RABGAP1L: variants seen among roughly 807,000 people sequenced by gnomAD.
RABGAP1L encodes the protein RAB GTPase activating protein 1 like, also known as rab GTPase-activating protein 1-like.
A neutral mutation model predicts 137.7 loss-of-function variants in RABGAP1L; 63 were observed. The observed-to-expected ratio is 0.46, with a 90% CI of 0.37 to 0.56. The LOEUF (loss-of-function observed/expected upper bound fraction) is 0.56. Among genes scored for constraint, RABGAP1L ranks in the 20% least tolerant of loss-of-function variants. The pLI is 0.00. For missense variants in RABGAP1L, 1,095 were observed against 1,244.0 expected (o/e 0.88, Z 1.80); for synonymous variants, 431 against 433.7 (o/e 0.99, Z 0.08).
chr1:174,878,462 G>T (rs562272710), intron 19 of RABGAP1L, among the ~76,000 whole-genome samples: 1 of 152,166 alleles, frequency 6.6e-6, no homozygotes, highest in South Asian at 2.1e-4. Flanking sequence ...CTGACCTCAG[G>T]TGATCCGCCT....
At chr1:174,667,206 C>T (rs1353744966) in intron 14 of RABGAP1L, among the ~76,000 whole-genome samples, 1 of 152,052 alleles carries the variant, frequency 6.6e-6, no homozygotes, top group Non-Finnish European at 1.5e-5. Context: ...TTAAGCCTCC[C>T]TTGATCAGAT....
In RABGAP1L at chr1:174,869,319, T is replaced by TG. The variant is rs200452494; in HGVS notation, c.2340+57362dup. ...GAGTGGATCATGGGGGAGTGGATCA[T>TG]GGGAGGTGAGTGGAACAGCATCCAC... On this transcript the variant is annotated intron_variant, in intron 19 of 25. Coordinates refer to ENST00000681986, the MANE Select transcript of RABGAP1L (RefSeq NM_001366446.1). Among the ~76,000 whole-genome samples, 1,340 of 152,134 alleles carry TG rather than the reference T, an allele frequency of 8.8e-3. 20 individuals are homozygous for TG. The highest frequency in any genetic ancestry group is 0.031 in the African/African-American group (1,280 of 41,486).
At chr1:174,535,375 A>G (rs1391414017) in intron 13 of RABGAP1L, among the ~76,000 whole-genome samples, 1 of 152,182 alleles carries the variant, frequency 6.6e-6, no homozygotes, top group Non-Finnish European at 1.5e-5. Context: ...CTCAATCAGC[A>G]CTGATTGCTG....
intron 11 of RABGAP1L, among the ~76,000 whole-genome samples, chr1:174,357,584 G>A (rs982102883): frequency 6.6e-6 from 1 of 152,072 alleles, no homozygotes; most frequent in African/African-American, 2.4e-5. Context: ...AACCAAACAT[G>A]TTTTCATTAA....
chr1:174,586,831 G>A (rs1669152544), intron 13 of RABGAP1L, among the ~76,000 whole-genome samples: 1 of 152,096 alleles, frequency 6.6e-6, no homozygotes, highest in African/African-American at 2.4e-5. Context: ...CTTGGCCTCA[G>A]GTGATCCATC....
At chr1:174,702,014 G>A (rs1205579885) in intron 16 of RABGAP1L, 99 bp from the exon 17 acceptor site, 8 of 1,091,320 alleles carry the variant, frequency 7.3e-6, no homozygotes, top group Middle Eastern at 2.1e-4. Context: ...GAGTTACAGC[G>A]ATCATAGAAA....
intron 13 of RABGAP1L, among the ~76,000 whole-genome samples, chr1:174,399,234 T>C (rs1227423829): frequency 6.6e-6 from 1 of 152,132 alleles, no homozygotes; most frequent in Non-Finnish European, 1.5e-5. Flanking sequence ...TCACTGTCCT[T>C]GGGGTAGCAA....
intron 13 of RABGAP1L, among the ~76,000 whole-genome samples, chr1:174,446,992 A>T (rs543009388): frequency 3.1e-4 from 47 of 152,342 alleles, no homozygotes; most frequent in African/African-American, 1.1e-3. Flanking sequence ...TATATGTGAG[A>T]TATGGGTATA....
rs1317116433 is a variant in RABGAP1L at position 174,582,734 on chromosome 1, C to G, written c.1711-54641C>G. Among the ~76,000 whole-genome samples, 3 of 152,056 alleles carry G rather than the reference C, an allele frequency of 2.0e-5. No individual in the cohort carries two copies. The East Asian group carries it at 5.8e-4, about 29-fold the overall frequency. ...GTTGAGGGTATAATCTAGAAGGGTT[C>G]AAAGGAGGATTTCTTTAAAGATAGG... is the stretch of plus-strand genomic sequence containing the variant. On this transcript the variant is annotated intron_variant, in intron 13 of 25. Transcript: ENST00000681986.
At chr1:174,560,198 C>CT (rs1334248444) in intron 13 of RABGAP1L, among the ~76,000 whole-genome samples, 1 of 152,114 alleles carries the variant, frequency 6.6e-6, no homozygotes, top group Non-Finnish European at 1.5e-5. Flanking sequence ...TTGCAGTTCC[C>CT]TTTTGGGTTT....
intron 18 of RABGAP1L, among the ~76,000 whole-genome samples, chr1:174,793,646 T>C (rs1688024897): frequency 6.6e-6 from 1 of 152,218 alleles, no homozygotes; most frequent in Non-Finnish European, 1.5e-5. Flanking sequence ...AAGCAGCATC[T>C]GATCTGTCTT....
At chr1:174,584,485 T>C (rs1463003988) in intron 13 of RABGAP1L, among the ~76,000 whole-genome samples, 1 of 152,180 alleles carries the variant, frequency 6.6e-6, no homozygotes, top group East Asian at 1.9e-4. Context: ...CCTGGTGCTT[T>C]GGGAGGCCAA....
intron 13 of RABGAP1L, among the ~76,000 whole-genome samples, chr1:174,634,472 G>A (rs1185243300): frequency 7.3e-6 from 1 of 136,722 alleles, no homozygotes; most frequent in Non-Finnish European, 1.5e-5. Flanking sequence ...GGAAGTCAGT[G>A]TGGCGATTCC....
chr1:174,548,031 T>G, intron 13 of RABGAP1L: 1 of 1,550,616 alleles, frequency 6.4e-7, no homozygotes, highest in South Asian at 1.2e-5. Context: ...AACACCAACT[T>G]ATTAAGAGGC....
intron 13 of RABGAP1L, among the ~76,000 whole-genome samples, chr1:174,635,595 T>A (rs751173890): frequency 6.6e-6 from 1 of 152,158 alleles, no homozygotes; most frequent in South Asian, 2.1e-4. Flanking sequence ...TTGGCAAATA[T>A]AAATTTTCTC....
chr1:174,549,307 A>C (rs1367296629), intron 13 of RABGAP1L, among the ~76,000 whole-genome samples: 3 of 152,162 alleles, frequency 2.0e-5, no homozygotes, highest in African/African-American at 7.2e-5. Flanking sequence ...TGTTTTGACT[A>C]TTTCAATTTT....
At chr1:174,789,774 G>T (rs1426807884) in intron 18 of RABGAP1L, among the ~76,000 whole-genome samples, 9 of 152,194 alleles carry the variant, frequency 5.9e-5, no homozygotes, top group Non-Finnish European at 1.2e-4. Context: ...GAAAATGAAT[G>T]AATTAATAGA....
At chr1:174,194,928 A>T (rs1291167840) in intron 1 of RABGAP1L, among the ~76,000 whole-genome samples, 2 of 152,196 alleles carry the variant, frequency 1.3e-5, no homozygotes, top group African/African-American at 4.8e-5. Context: ...TCACCCTAAT[A>T]TGGTGTGAAT....
chr1:174,712,112 G>A (rs908219122), intron 17 of RABGAP1L, among the ~76,000 whole-genome samples: 6 of 152,102 alleles, frequency 3.9e-5, no homozygotes, highest in Admixed American at 6.5e-5. Flanking sequence ...CGGACCAATC[G>A]GCTCTCTGTA....
Sources: gnomAD v4.1 joint callset for allele counts (sites outside exome capture counted in the v4.1 genomes callset) on GRCh38, gnomAD v4.1.1 for gene constraint, MANE v1.5 for transcripts, NCBI Gene and HGNC (gene_info 2026-07-23, HGNC 2026-07-21) for gene names.